Variants in PCDHGA4 observed in about 807,000 individuals in gnomAD.
PCDHGA4 encodes protocadherin gamma subfamily A, 4.
A neutral mutation model predicts 54.6 loss-of-function variants in PCDHGA4; 38 were observed. The ratio of observed to expected loss-of-function variants is 0.70; its 90% confidence interval spans 0.54 to 0.91. PCDHGA4 has a LOEUF of 0.91. Among genes scored for constraint, PCDHGA4 ranks in the 40% least tolerant of loss-of-function variants. PCDHGA4 has a pLI of 0.00. For synonymous variants in PCDHGA4, 511 were observed against 512.9 expected, an observed-to-expected ratio of 1.00 and a Z score of 0.05; for missense variants, 1,298 against 1,220.9, an observed-to-expected ratio of 1.06 and a Z score of -0.94.
chr5:141,502,524 C>T (rs959562458), intron 2 of PCDHGA4, among the ~76,000 whole-genome samples: 3 of 151,910 alleles, frequency 2.0e-5, no homozygotes, highest in East Asian at 1.9e-4. Flanking sequence ...TCAGTGATGC[C>T]GAGTTTGTTC....
rs1481151067 is a variant in PCDHGA4, at chr5:141,477,223, T to A, written c.2515-17584T>A. On this transcript the variant is annotated intron_variant, in intron 1 of 3. Transcript: ENST00000571252. This position sits in a 1 kb window ranked among gnomAD's most constrained non-coding sequence, Gnocchi z 4.9. ...TACCCGAGGATGCCCCTCTGGGGAC[T>A]GTCATCGCTTTGCTCAGTGTGACTG... The A allele has an allele frequency of 6.2e-7, 1 of 1,614,198 alleles. No individual in the cohort carries two copies. The highest frequency in any genetic ancestry group is 1.1e-5 in the South Asian group (1 of 91,084).
intron 3 of PCDHGA4, among the ~76,000 whole-genome samples, chr5:141,508,984 C>G (rs1039260828): frequency 4.7e-4 from 72 of 152,154 alleles, no homozygotes; most frequent in African/African-American, 1.7e-3. Context: ...GGGTGGGGGC[C>G]AGCTGGGGTA....
chr5:141,362,072 T>G (rs754972380), intron 1 of PCDHGA4: 1 of 1,612,748 alleles, frequency 6.2e-7, no homozygotes, highest in Non-Finnish European at 8.5e-7. Flanking sequence ...CTGGTCGCTG[T>G]GCGTGATGGA....
intron 1 of PCDHGA4, chr5:141,417,924 T>C (rs1197566429): frequency 1.9e-6 from 3 of 1,609,340 alleles, no homozygotes; most frequent in Admixed American, 1.7e-5. Flanking sequence ...CCTTTGCTGC[T>C]GCCTTTGTTC....
At chr5:141,406,497 G>A (rs918411920) in intron 1 of PCDHGA4, among the ~76,000 whole-genome samples, 2 of 152,200 alleles carry the variant, frequency 1.3e-5, no homozygotes, top group African/African-American at 4.8e-5. Context: ...TCACAAGTGT[G>A]TAAAGTCTGT....
Position 141,512,160 on chromosome 5 carries a change from G to A in PCDHGA4, c.*987G>A, listed in dbSNP as rs1227447365. On this transcript the variant is annotated 3_prime_UTR_variant, in exon 4 of 4. Coordinates refer to ENST00000571252, the MANE Select transcript of PCDHGA4 (RefSeq NM_018917.4). ...CAGCCAGCTTTGGGCTGAGCTAACA[G>A]GACCAATGGATTAAACTGGCATTTC... 1 of 152,730 alleles carries A rather than the reference G, an allele frequency of 6.5e-6. No individual in the cohort carries two copies. Among genetic ancestry groups the A allele is most frequent in the African/African-American group, 2.4e-5 (1 of 41,456 alleles). The allele number at this position is 152,730 out of a possible 1,614,324, so 9.5% of individuals were successfully genotyped here.
chr5:141,395,077 AG>A lies in PCDHGA4; in HGVS notation c.2514+37458del, dbSNP rs747226962. 4.3e-6 allele frequency: 7 copies of A among 1,614,024 alleles called. No individual in the cohort carries two copies. The African/African-American group carries it at 9.3e-5, about 22-fold the overall frequency. On this transcript the variant is annotated intron_variant, in intron 1 of 3. Transcript: ENST00000571252. ...CAGGCTTTCCTGCAGACCTATTCCC[AG>A]GAAGTCTCCCTCACCGCCGACTCGC...
At chr5:141,416,406 T>A (rs2096021956) in intron 1 of PCDHGA4, 1 of 152,224 alleles carries the variant, frequency 6.6e-6, no homozygotes, top group Admixed American at 6.5e-5. Context: ...TTGTCTTTTT[T>A]GTTAAATTTT....
rs2099629540 is a variant in PCDHGA4, at chr5:141,486,436, T to C, written c.2515-8371T>C. 2 of 1,614,188 alleles carry C rather than the reference T, an allele frequency of 1.2e-6. No individual in the cohort carries two copies. The highest frequency in any genetic ancestry group is 1.7e-6 in the Non-Finnish European group (2 of 1,180,020). On this transcript the variant is annotated intron_variant, in intron 1 of 3. Coordinates refer to ENST00000571252, the MANE Select transcript of PCDHGA4 (RefSeq NM_018917.4). This position sits in a 1 kb window ranked among gnomAD's most constrained non-coding sequence, Gnocchi z 5.0. ...TGGATCGAGAGGCCAAATCTAGCTA[T>C]GACATCATGGTCACTGCTTCTGATG... is the stretch of plus-strand genomic sequence containing the variant.
At chr5:141,375,525 T>C (rs1027901003) in intron 1 of PCDHGA4, 13 of 1,613,866 alleles carry the variant, frequency 8.1e-6, no homozygotes, top group African/African-American at 1.3e-5. Context: ...GACCCTGACG[T>C]GGACCAGAAC....
intron 1 of PCDHGA4, among the ~76,000 whole-genome samples, chr5:141,460,653 GT>G (rs2098994590): frequency 6.6e-6 from 1 of 151,844 alleles, no homozygotes; most frequent in Admixed American, 6.6e-5. Context: ...TTACACATAT[GT>G]AACTGTAAAC....
intron 1 of PCDHGA4, chr5:141,393,825 G>C: frequency 6.2e-7 from 1 of 1,613,964 alleles, no homozygotes; most frequent in Non-Finnish European, 8.5e-7. Flanking sequence ...CATTTCGGTG[G>C]AAGATGTAAA....
intron 1 of PCDHGA4, chr5:141,390,466 G>A: frequency 1.4e-6 from 1 of 712,034 alleles, no homozygotes; most frequent in East Asian, 2.7e-5. Context: ...AGGAGCAATT[G>A]TGTGGCCCAA....
At chr5:141,406,940 A>C (rs2094868445) in intron 1 of PCDHGA4, among the ~76,000 whole-genome samples, 1 of 152,212 alleles carries the variant, frequency 6.6e-6, no homozygotes, top group African/African-American at 2.4e-5. Context: ...ATTTAATGTT[A>C]TTTTAAACAT....
At chr5:141,404,655 C>T (rs2094551486) in intron 1 of PCDHGA4, 1 of 1,614,062 alleles carries the variant, frequency 6.2e-7, no homozygotes, top group Non-Finnish European at 8.5e-7. Flanking sequence ...CCTGCCCTCC[C>T]CACTGATGGT....
intron 1 of PCDHGA4, chr5:141,423,333 C>T (rs761192305): frequency 3.1e-6 from 5 of 1,614,184 alleles, no homozygotes; most frequent in Non-Finnish European, 4.2e-6. Context: ...CCGCAGTCTC[C>T]TGCATCTTCC....
intron 1 of PCDHGA4, chr5:141,370,540 A>C (rs1443482874): frequency 1.9e-6 from 3 of 1,613,508 alleles, no homozygotes; most frequent in African/African-American, 1.3e-5. Context: ...CTGGTAGGGA[A>C]CCTCGCCAAG....
intron 1 of PCDHGA4, chr5:141,394,192 A>G: frequency 1.9e-6 from 3 of 1,613,840 alleles, no homozygotes; most frequent in East Asian, 2.2e-5. Flanking sequence ...TACTCAGCGT[A>G]TATCCTAGAG....
chr5:141,508,269 C>G (rs1459186158), intron 3 of PCDHGA4: 1 of 152,186 alleles, frequency 6.6e-6, no homozygotes, highest in Non-Finnish European at 1.5e-5. Flanking sequence ...GAGAAAATCC[C>G]GGTCCTTGAC....
Sources: gnomAD v4.1 joint callset for allele counts (sites outside exome capture counted in the v4.1 genomes callset) on GRCh38, gnomAD v4.1.1 for gene constraint, Gnocchi (gnomAD v3.1) non-coding constraint, MANE v1.5 for transcripts, NCBI Gene and HGNC (gene_info 2026-07-23, HGNC 2026-07-21) for gene names.